ROBO2: variants seen among roughly 807,000 people sequenced by gnomAD.
ROBO2 encodes the protein roundabout homolog 2.
In ROBO2, 53 loss-of-function variants were observed where a neutral mutation model predicts 160.8. The observed-to-expected ratio is 0.33, with a 90% CI of 0.26 to 0.41. The LOEUF (loss-of-function observed/expected upper bound fraction) is 0.41, where lower values mean the gene tolerates loss of function less well. Ranked by LOEUF, ROBO2 falls within the 10% of genes least tolerant of loss-of-function variation. The probability of loss-of-function intolerance (pLI) is 1.00; values close to 1 mark genes in which losing one functional copy is unlikely to be tolerated. For missense variants in ROBO2, 1,577 were observed against 1,722.4 expected (o/e 0.92, Z 1.49); for synonymous variants, 664 against 611.7 (o/e 1.09, Z -1.26).
chr3:75,992,510 G>A (rs1219198001), intron 2 of ROBO2, among the ~76,000 whole-genome samples: 2 of 152,162 alleles, frequency 1.3e-5, no homozygotes, highest in Admixed American at 6.5e-5. Context: ...GAAACCATCT[G>A]TATGCCCAGG....
intron 2 of ROBO2, among the ~76,000 whole-genome samples, chr3:76,052,143 A>C (rs2067678285): frequency 6.6e-6 from 1 of 152,132 alleles, no homozygotes. Context: ...AGGACATGTT[A>C]AGAACTACAG....
intron 2 of ROBO2, among the ~76,000 whole-genome samples, chr3:76,847,147 G>A (rs1291520697): frequency 6.6e-6 from 1 of 151,948 alleles, no homozygotes; most frequent in Non-Finnish European, 1.5e-5. Flanking sequence ...TTGATTAGAA[G>A]GTGAGGTGGC....
At chr3:76,221,927 C>A (rs548758426) in intron 2 of ROBO2, among the ~76,000 whole-genome samples, 1 of 152,268 alleles carries the variant, frequency 6.6e-6, no homozygotes, top group Admixed American at 6.5e-5. Flanking sequence ...GCACAAAATG[C>A]TGCCACTTCC....
chr3:77,549,682 G>C (rs2092840088), intron 7 of ROBO2, among the ~76,000 whole-genome samples: 1 of 151,926 alleles, frequency 6.6e-6, no homozygotes, highest in Non-Finnish European at 1.5e-5. Context: ...ATCATTTGCA[G>C]GATTAAAGTC....
chr3:75,910,347 CA>C (rs1167781642), intron 1 of ROBO2, among the ~76,000 whole-genome samples: 1 of 152,160 alleles, frequency 6.6e-6, no homozygotes, highest in Admixed American at 6.5e-5. Context: ...TTTTCATTCA[CA>C]TATGTCATGC....
At chr3:76,269,587 G>GA (rs34448121) in intron 2 of ROBO2, among the ~76,000 whole-genome samples, 50,508 of 144,118 alleles carry the variant, frequency 0.35, 9,326 homozygotes, top group Non-Finnish European at 0.44. Context: ...ATGGTTAAAT[G>GA]AAAAAAAAAA....
At chr3:77,058,085 G>A (rs750953119) in intron 1 of ROBO2, among the ~76,000 whole-genome samples, 6 of 152,038 alleles carry the variant, frequency 3.9e-5, no homozygotes, top group South Asian at 2.1e-4. Context: ...GAGAATACTC[G>A]GATGTTTTCC....
At chr3:77,627,915 A>G (rs919688676) in intron 23 of ROBO2, among the ~76,000 whole-genome samples, 5 of 152,212 alleles carry the variant, frequency 3.3e-5, no homozygotes, top group African/African-American at 1.2e-4. Context: ...GCAAGGAAAG[A>G]TTTAGCATAA....
At chr3:77,096,800 A>T (rs1339779578) in intron 1 of ROBO2, among the ~76,000 whole-genome samples, 1 of 152,090 alleles carries the variant, frequency 6.6e-6, no homozygotes, top group Non-Finnish European at 1.5e-5. Flanking sequence ...TTGCATTCAC[A>T]GGGAAGTCAC....
intron 2 of ROBO2, among the ~76,000 whole-genome samples, chr3:76,117,565 C>T (rs887271418): frequency 1.3e-5 from 2 of 152,062 alleles, no homozygotes; most frequent in African/African-American, 4.8e-5. Context: ...GCACTTGGTT[C>T]CAATATCACA....
chr3:77,032,003 A>G (rs1321439654), intron 2 of ROBO2, among the ~76,000 whole-genome samples: 7 of 152,130 alleles, frequency 4.6e-5, no homozygotes, highest in Admixed American at 2.0e-4. Flanking sequence ...CACATGGTGG[A>G]AGATACTATT....
chr3:76,077,328 C>T (rs7631220), intron 2 of ROBO2, among the ~76,000 whole-genome samples: 77,651 of 151,954 alleles, frequency 0.51, 20,754 homozygotes, highest in African/African-American at 0.67. Context: ...TTTTAGAGGC[C>T]GAGGTGGGTG....
intron 2 of ROBO2, among the ~76,000 whole-genome samples, chr3:77,186,707 A>C (rs984447471): frequency 6.6e-6 from 1 of 151,152 alleles, no homozygotes; most frequent in Non-Finnish European, 1.5e-5. Flanking sequence ...ATCAAAACTG[A>C]GATTTTTTTT....
Position 76,653,372 on chromosome 3 carries a change from G to A in ROBO2, c.110-444642G>A, listed in dbSNP as rs868083530. On this transcript the variant is annotated intron_variant, in intron 2 of 26. Coordinates refer to the ROBO2 transcript ENST00000487694. ...TTTCTAAAGCATGCTCTGCTTATACGTATAGTAAAATATATATAATATATA... is the reference window on the plus strand; with the variant it reads ...TTTCTAAAGCATGCTCTGCTTATACATATAGTAAAATATATATAATATATA... Among the ~76,000 whole-genome samples the A allele has an allele frequency of 8.7e-5, 13 of 150,288 alleles. 1 individual carries two copies. The South Asian group carries it at 1.5e-3, about 17-fold the overall frequency.
intron 2 of ROBO2, among the ~76,000 whole-genome samples, chr3:77,355,248 G>GCTCTATCACATACCTTTATGA (rs1381127665): frequency 4.0e-5 from 6 of 151,474 alleles, no homozygotes; most frequent in Admixed American, 6.6e-5. Context: ...TACCCTAGGA[G>GCTCTATCACATACCTTTATGA]TTTGGCTCTG....
chr3:76,008,483 A>G (rs1261032613), intron 2 of ROBO2, among the ~76,000 whole-genome samples: 2 of 152,172 alleles, frequency 1.3e-5, no homozygotes, highest in Non-Finnish European at 2.9e-5. Context: ...TTTAAAATGA[A>G]AAAAAGAAAA....
chr3:76,940,217 C>A (rs933261264), intron 2 of ROBO2, among the ~76,000 whole-genome samples: 4 of 152,172 alleles, frequency 2.6e-5, no homozygotes, highest in Non-Finnish European at 2.9e-5. Context: ...CTCTTGACCT[C>A]GTGATCCGCC....
chr3:75,922,959 A>T (rs1208372072), intron 1 of ROBO2, among the ~76,000 whole-genome samples: 2 of 152,330 alleles, frequency 1.3e-5, no homozygotes, highest in Non-Finnish European at 2.9e-5. Flanking sequence ...TTGCATTCTC[A>T]AAACTATACT....
At chr3:76,528,018 G>A (rs1310848923) in intron 2 of ROBO2, among the ~76,000 whole-genome samples, 1 of 152,050 alleles carries the variant, frequency 6.6e-6, no homozygotes, top group African/African-American at 2.4e-5. Context: ...GTGGGGTGCA[G>A]AATGTTAAAG....
Sources: gnomAD v4.1 joint callset for allele counts (sites outside exome capture counted in the v4.1 genomes callset) on GRCh38, gnomAD v4.1.1 for gene constraint, MANE v1.5 for transcripts, NCBI Gene and HGNC (gene_info 2026-07-23, HGNC 2026-07-21) for gene names.